Variants in TRIP13 observed in about 807,000 individuals in gnomAD.
TRIP13 encodes pachytene checkpoint protein 2 homolog.
In TRIP13, 25 loss-of-function variants were observed where a neutral mutation model predicts 54.4. That is an observed-to-expected ratio of 0.46 (90% CI 0.33 to 0.64). The LOEUF (loss-of-function observed/expected upper bound fraction) is 0.64, where lower values mean the gene tolerates loss of function less well. Ranked by LOEUF, TRIP13 falls within the 30% of genes least tolerant of loss-of-function variation. TRIP13 has a pLI of 0.02. For missense variants in TRIP13, 373 were observed against 534.2 expected (o/e 0.70, Z 2.97); for synonymous variants, 207 against 207.8 (o/e 1.00, Z 0.03).
Position 904,225 on chromosome 5 carries a change from C to G in TRIP13, c.608+5C>G, listed in dbSNP as rs1397940243. 6.2e-7 allele frequency: 1 copy of G among 1,605,166 alleles called. No homozygotes were observed. Among genetic ancestry groups the G allele is most frequent in the Non-Finnish European group, 8.5e-7 (1 of 1,177,112 alleles). The stretch of plus-strand genomic sequence containing the variant: ...GACAATTAGACTTTCAAGCAGGTAA[C>G]TTTCGGTAATCTGTGAGAGGAGAGC... On this transcript the variant is annotated splice_donor_5th_base_variant and intron_variant, in intron 6 of 12. Coordinates refer to ENST00000166345, the MANE Select transcript of TRIP13 (RefSeq NM_004237.4).
intron 12 of TRIP13, among the ~76,000 whole-genome samples, chr5:916,193 C>G (rs997756040): frequency 6.6e-6 from 1 of 152,200 alleles, no homozygotes; most frequent in South Asian, 2.1e-4. Flanking sequence ...TCTGCTCACA[C>G]GCATGCATGC....
downstream of TRIP13, chr5:918,988 A>G (rs1231423592): frequency 6.6e-6 from 1 of 152,216 alleles, no homozygotes; most frequent in Non-Finnish European, 1.5e-5. This position sits in a 1 kb window ranked among gnomAD's most constrained non-coding sequence, Gnocchi z 4.3. Context: ...CTTCAATCTG[A>G]TTAAGTTGAC....
chr5:908,488 C>T lies in TRIP13; in HGVS notation c.866+27C>T, dbSNP rs1393906746. 6.2e-7 allele frequency: 1 copy of T among 1,612,162 alleles called. No homozygotes were observed. Among genetic ancestry groups the T allele is most frequent in the Non-Finnish European group, 8.5e-7 (1 of 1,179,690 alleles). ...TAACCAGGACATGCAGCAATTTTCCCTGAGAAGTGATGAGAAGTTTGTCCC... is the reference window on the plus strand; with the variant it reads ...TAACCAGGACATGCAGCAATTTTCCTTGAGAAGTGATGAGAAGTTTGTCCC... On this transcript the variant is annotated intron_variant, in intron 9 of 12. Coordinates refer to ENST00000166345, the MANE Select transcript of TRIP13 (RefSeq NM_004237.4). This position sits in a 1 kb window ranked among gnomAD's most constrained non-coding sequence, Gnocchi z 5.2.
At chr5:895,949 G>T (rs1753904031) in intron 2 of TRIP13, among the ~76,000 whole-genome samples, 1 of 152,186 alleles carries the variant, frequency 6.6e-6, no homozygotes, top group South Asian at 2.1e-4. Flanking sequence ...TAGCCATTAA[G>T]AAGAATGAAA....
At position 908,257 on chromosome 5, in the gene TRIP13, C is replaced by CATT; in HGVS notation, c.760-97_760-95dup. ...CAGGCTAGGCACGGGAACACCCATT[C>CATT]ATTCATCTTTTTCACGTGCTCAGCG... is the stretch of plus-strand genomic sequence containing the variant. On this transcript the variant is annotated intron_variant, in intron 8 of 12. Transcript: ENST00000166345. This position sits in a 1 kb window ranked among gnomAD's most constrained non-coding sequence, Gnocchi z 5.2. The CATT allele has an allele frequency of 6.9e-7, 1 of 1,455,590 alleles. No homozygotes were observed. Among genetic ancestry groups the CATT allele is most frequent in the Non-Finnish European group, 9.5e-7 (1 of 1,049,552 alleles). The allele number at this position is 1,455,590 out of a possible 1,614,324, so 90.2% of individuals were successfully genotyped here. A position where few individuals can be genotyped will look rare whatever the true frequency, so the allele number is the denominator to read the frequency against.
Position 893,021 on chromosome 5 carries a change from T to C in TRIP13, c.23T>C (p.Leu8Pro), listed in dbSNP as rs1334595316. 2 of 1,591,030 alleles carry C rather than the reference T, an allele frequency of 1.3e-6. No homozygotes were observed. Among genetic ancestry groups the C allele is most frequent in the African/African-American group, 2.7e-5 (2 of 73,736 alleles). Residue 8 changes from leucine (L) to proline (P), a missense_variant, in exon 1 of 13, where the codon CTG becomes CCG. Transcript: ENST00000166345. ...GCCATGGACGAGGCCGTGGGCGACCTGAAGCAGGCGCTTCCCTGTGTGGCC... is the reference window on the plus strand; with the variant it reads ...GCCATGGACGAGGCCGTGGGCGACCCGAAGCAGGCGCTTCCCTGTGTGGCC... MDEAVGD[L>P]KQALPCVAES... is the part of the protein sequence containing the mutation.
At chr5:906,688 T>A (rs1017439214) in intron 6 of TRIP13, among the ~76,000 whole-genome samples, 1 of 152,104 alleles carries the variant, frequency 6.6e-6, no homozygotes, top group Non-Finnish European at 1.5e-5. Flanking sequence ...TTCCAGTCAG[T>A]CTGTGTGTGT....
At chr5:896,988 C>T (rs898901022) in intron 3 of TRIP13, among the ~76,000 whole-genome samples, 194 bp downstream of exon 3, 1 of 152,176 alleles carries the variant, frequency 6.6e-6, no homozygotes, top group East Asian at 1.9e-4. Flanking sequence ...CATACTGTTC[C>T]TTTGGGTGGG....
chr5:894,699 G>T, intron 1 of TRIP13, 88 bp from the exon 2 acceptor site: 1 of 1,443,184 alleles, frequency 6.9e-7, no homozygotes, highest in South Asian at 1.5e-5. Flanking sequence ...GCTTTCTTAT[G>T]TATTGTCTGA....
chr5:914,191 G>A (rs1203916153), intron 10 of TRIP13, among the ~76,000 whole-genome samples: 1 of 152,158 alleles, frequency 6.6e-6, no homozygotes, highest in African/African-American at 2.4e-5. Flanking sequence ...AAAAGTTTTG[G>A]CTCGAAACAC....
chr5:918,053 G>A lies in TRIP13; in HGVS notation c.*950G>A, dbSNP rs1754371806. 6.6e-6 allele frequency: 1 copy of A among 152,096 alleles called. No individual in the cohort carries two copies. The highest frequency in any genetic ancestry group is 1.5e-5 in the Non-Finnish European group (1 of 67,984). The allele number at this position is 152,096 out of a possible 1,614,324, so 9.4% of individuals were successfully genotyped here. A position where few individuals can be genotyped will look rare whatever the true frequency, so the allele number is the denominator to read the frequency against. ...TTAAAATATTTTTTAGAATTTTCTT[G>A]TTTTGATTCTAAGTATCTCTTCCAA... is the stretch of plus-strand genomic sequence containing the variant. On this transcript the variant is annotated 3_prime_UTR_variant, in exon 13 of 13. Transcript: ENST00000166345. The surrounding 1 kb of genome is among the most constrained non-coding windows in gnomAD (Gnocchi z 4.3).
intron 11 of TRIP13, 52 bp downstream of exon 11, chr5:914,629 A>C: frequency 6.9e-7 from 1 of 1,444,150 alleles, no homozygotes; most frequent in Non-Finnish European, 9.7e-7. Flanking sequence ...TGTGATATTA[A>C]CTAGGGAGTC....
Position 911,737 on chromosome 5 carries a change from A to C in TRIP13, c.867-106A>C, listed in dbSNP as rs1754236839. The C allele has an allele frequency of 1.3e-5, 18 of 1,422,858 alleles. No individual in the cohort carries two copies. In the East Asian group the frequency reaches 4.0e-4, roughly 32 times the overall value. The allele number at this position is 1,422,858 out of a possible 1,614,324, so 88.1% of individuals were successfully genotyped here. ...CAAGGCCACTTTCCTTCCTGTTGGC[A>C]GCCTGCTGGCCATCGTCCTGCCAAC... is the stretch of plus-strand genomic sequence containing the variant. On this transcript the variant is annotated intron_variant, in intron 9 of 12. Transcript: ENST00000166345. The surrounding 1 kb of genome is among the most constrained non-coding windows in gnomAD (Gnocchi z 4.7).
Position 901,267 on chromosome 5 carries a change from G to A in TRIP13, c.445-74G>A, listed in dbSNP as rs548520424. On this transcript the variant is annotated intron_variant, in intron 4 of 12. Transcript: ENST00000166345. Reference sequence around the variant, plus strand: ...CTCTTCTCATGTAGGATTAAGCCCTGGGGGAGGGCACATTTCTTGGGGACC... The same window carrying A: ...CTCTTCTCATGTAGGATTAAGCCCTAGGGGAGGGCACATTTCTTGGGGACC... 141 of 1,394,870 alleles carry A rather than the reference G, an allele frequency of 1.0e-4. 2 individuals carry two copies. In the African/African-American group the frequency reaches 1.9e-3, roughly 19 times the overall value. 86.4% of individuals were successfully genotyped at this position (1,394,870 alleles called of 1,614,324 possible).
intron 2 of TRIP13, 127 bp from the exon 3 acceptor site, chr5:896,538 C>G: frequency 3.0e-6 from 3 of 997,460 alleles, no homozygotes; most frequent in Non-Finnish European, 2.8e-6. Flanking sequence ...CTCATCTAAT[C>G]TGAGAACTAG....
At position 912,106 on chromosome 5, in the gene TRIP13, G is replaced by A; in HGVS notation, c.1020+110G>A. ...TCCAGTACGGAGGATTTCAACATAT[G>A]CATTAACTCCCTTCTTAAATTGAAA... is the stretch of plus-strand genomic sequence containing the variant. On this transcript the variant is annotated intron_variant, in intron 10 of 12. Coordinates refer to ENST00000166345, the MANE Select transcript of TRIP13 (RefSeq NM_004237.4). The surrounding 1 kb of genome is among the most constrained non-coding windows in gnomAD (Gnocchi z 7.2). The A allele has an allele frequency of 7.5e-7, 1 of 1,334,388 alleles. No homozygotes were observed. The highest frequency in any genetic ancestry group is 1.0e-6 in the Non-Finnish European group (1 of 984,640). 82.7% of individuals were successfully genotyped at this position (1,334,388 alleles called of 1,614,324 possible).
In TRIP13 at chr5:896,409, C is replaced by T. The variant is rs936885305; in HGVS notation, c.259-256C>T. ...TGAGTGTATTTATATAATAACGTCC[C>T]GGAGGCTGGATTTAGGGCACTTTTT... On this transcript the variant is annotated intron_variant, in intron 2 of 12. Transcript: ENST00000166345. Among the ~76,000 whole-genome samples, 20 of 152,150 alleles carry T rather than the reference C, an allele frequency of 1.3e-4. No homozygotes were observed. The East Asian group carries it at 3.1e-3, about 23-fold the overall frequency.
Position 908,476 on chromosome 5 carries a change from C to G in TRIP13, c.866+15C>G. On this transcript the variant is annotated intron_variant, in intron 9 of 12. Transcript: ENST00000166345. This position sits in a 1 kb window ranked among gnomAD's most constrained non-coding sequence, Gnocchi z 5.2. ...CAGATTAAAAGGTAACCAGGACATG[C>G]AGCAATTTTCCCTGAGAAGTGATGA... The G allele has an allele frequency of 1.2e-6, 2 of 1,613,104 alleles. No homozygotes were observed. The highest frequency in any genetic ancestry group is 1.1e-5 in the South Asian group (1 of 91,076).
rs1349675478 is a variant in TRIP13 at position 913,695 on chromosome 5, T to C, written c.1021-770T>C. On this transcript the variant is annotated intron_variant, in intron 10 of 12. Coordinates refer to ENST00000166345, the MANE Select transcript of TRIP13 (RefSeq NM_004237.4). This position sits in a 1 kb window ranked among gnomAD's most constrained non-coding sequence, Gnocchi z 4.5. The stretch of plus-strand genomic sequence containing the variant: ...TTATTTTAGGCAGTTTATATGAAAT[T>C]AAGACATGCAGATGTCACAGTGGAT... 6.6e-6 allele frequency among the ~76,000 whole-genome samples: 1 copy of C among 152,124 alleles called. No individual in the cohort carries two copies. Among genetic ancestry groups the C allele is most frequent in the African/African-American group, 2.4e-5 (1 of 41,420 alleles).
Sources: gnomAD v4.1 joint callset for allele counts (sites outside exome capture counted in the v4.1 genomes callset) on GRCh38, gnomAD v4.1.1 for gene constraint, Gnocchi (gnomAD v3.1) non-coding constraint, MANE v1.5 for transcripts, NCBI Gene and HGNC (gene_info 2026-07-23, HGNC 2026-07-21) for gene names.